The following NFIB variants were observed in gnomAD, a reference collection of about 807,000 sequenced individuals.
The protein encoded by NFIB is nuclear factor 1 B-type.
Under a neutral mutation model 61.5 loss-of-function variants are expected in NFIB, and 11 were observed. The observed-to-expected ratio is 0.18, with a 90% confidence interval of 0.11 to 0.30. The LOEUF is 0.30. NFIB is among the 10% of genes least tolerant of loss of function. NFIB has a pLI of 1.00. For missense variants in NFIB, 471 were observed against 608.9 expected (o/e 0.77, Z 2.38); for synonymous variants, 260 against 216.5 (o/e 1.20, Z -1.76).
intron 2 of NFIB, among the ~76,000 whole-genome samples, chr9:14,299,325 T>C (rs1314944236): frequency 6.6e-6 from 1 of 152,190 alleles, no homozygotes; most frequent in Non-Finnish European, 1.5e-5. Context: ...TGAGACTATA[T>C]ATGTGTCGCT....
the NFIB span, among the ~76,000 whole-genome samples, chr9:14,437,714 G>A: frequency 1.3e-5 from 2 of 152,208 alleles, no homozygotes; most frequent in African/African-American, 4.8e-5. Flanking sequence ...CCCCAGCTGA[G>A]TCCTATCTCC....
At chr9:14,144,097 C>T (rs1345398120) in intron 6 of NFIB, among the ~76,000 whole-genome samples, 4 of 151,124 alleles carry the variant, frequency 2.6e-5, no homozygotes, top group Non-Finnish European at 5.9e-5. Flanking sequence ...CCTTTACAGA[C>T]TCCTCCAATA....
rs1326991183 is a variant in NFIB at position 14,204,857 on chromosome 9, A to G, written c.563-25077T>C. 1.8e-5 allele frequency: 8 copies of G among 434,436 alleles called. No homozygotes were observed. In the East Asian group the frequency reaches 3.3e-4, roughly 18 times the overall value. The allele number at this position is 434,436 out of a possible 1,614,324, so 26.9% of individuals were successfully genotyped here. ...GAAGACCTGCACCACTGCTGCCTTC[A>G]TACAGGTTAACTCAGAAGACAAAGG... On this transcript the variant is annotated intron_variant, in intron 2 of 10. Transcript: ENST00000380953.
the NFIB span, among the ~76,000 whole-genome samples, chr9:14,406,656 T>C: frequency 6.6e-6 from 1 of 152,160 alleles, no homozygotes; most frequent in Admixed American, 6.6e-5. Context: ...CATAGCTAGG[T>C]GTGGTCACGT....
the NFIB span, among the ~76,000 whole-genome samples, chr9:14,510,968 G>A: frequency 1.3e-5 from 2 of 152,178 alleles, no homozygotes; most frequent in Non-Finnish European, 2.9e-5. Flanking sequence ...CTTTGATGAT[G>A]CTGCTTCAGT....
chr9:14,289,574 CATAT>C (rs2058956405), intron 2 of NFIB, among the ~76,000 whole-genome samples: 3 of 151,546 alleles, frequency 2.0e-5, no homozygotes, highest in Non-Finnish European at 4.4e-5. Context: ...CACACACACA[CATAT>C]AAATACACAT....
At chr9:14,363,248 A>G (rs1355844744) in intron 1 of NFIB, among the ~76,000 whole-genome samples, 1 of 152,158 alleles carries the variant, frequency 6.6e-6, no homozygotes, top group African/African-American at 2.4e-5. Flanking sequence ...TGGGACTGAG[A>G]CTACTCCGTT....
chr9:14,486,060 G>A, the NFIB span, among the ~76,000 whole-genome samples: 4 of 152,084 alleles, frequency 2.6e-5, no homozygotes, highest in South Asian at 8.3e-4. Context: ...ATGGACCTCG[G>A]GTGTCAATAA....
chr9:14,524,299 T>C, the NFIB span, among the ~76,000 whole-genome samples: 15 of 152,268 alleles, frequency 9.9e-5, no homozygotes, highest in Middle Eastern at 3.4e-3. Context: ...TTCATACCTA[T>C]AGCATAGAAA....
the NFIB span, among the ~76,000 whole-genome samples, chr9:14,440,918 GT>G: frequency 1.1e-3 from 172 of 152,228 alleles, no homozygotes; most frequent in Non-Finnish European, 1.3e-3. Flanking sequence ...ATGCAGAACA[GT>G]TTGAAAGGTG....
intron 2 of NFIB, among the ~76,000 whole-genome samples, chr9:14,293,233 T>C (rs2059213986): frequency 6.6e-6 from 1 of 152,210 alleles, no homozygotes; most frequent in Non-Finnish European, 1.5e-5. Context: ...ATTTGCATGA[T>C]CTAATATTGT....
At chr9:14,460,369 G>A in the NFIB span, among the ~76,000 whole-genome samples, 18 of 149,580 alleles carry the variant, frequency 1.2e-4, no homozygotes, top group East Asian at 1.0e-3. Flanking sequence ...GGCCTGTTGC[G>A]GGGTGGGGGG....
intron 2 of NFIB, among the ~76,000 whole-genome samples, chr9:14,214,197 G>C (rs1048288091): frequency 6.6e-6 from 1 of 152,114 alleles, no homozygotes; most frequent in Admixed American, 6.5e-5. Context: ...GCACATCCCT[G>C]AATGAGGCAC....
intron 2 of NFIB, among the ~76,000 whole-genome samples, chr9:14,184,983 A>C (rs894034853): frequency 1.3e-5 from 2 of 152,220 alleles, no homozygotes; most frequent in African/African-American, 4.8e-5. Context: ...AGATCGGCTC[A>C]TGTATTCCAA....
intron 2 of NFIB, among the ~76,000 whole-genome samples, chr9:14,187,524 G>A (rs4375095): frequency 0.39 from 58,725 of 152,012 alleles, 14,368 homozygotes; most frequent in Non-Finnish European, 0.55. Context: ...TCATGATAAA[G>A]TAATTTCATT....
At chr9:14,166,040 A>C (rs528528360) in intron 3 of NFIB, among the ~76,000 whole-genome samples, 1 of 152,298 alleles carries the variant, frequency 6.6e-6, no homozygotes, top group South Asian at 2.1e-4. Context: ...TGCAGTCTAA[A>C]ATTTTGGACC....
chr9:14,227,486 T>G (rs2052577673), intron 2 of NFIB, among the ~76,000 whole-genome samples: 1 of 152,344 alleles, frequency 6.6e-6, no homozygotes, highest in East Asian at 1.9e-4. Context: ...AGACTTGAAA[T>G]ATATCATACT....
At chr9:14,287,344 T>C (rs974193325) in intron 2 of NFIB, among the ~76,000 whole-genome samples, 8 of 64,460 alleles carry the variant, frequency 1.2e-4, no homozygotes, top group Non-Finnish European at 1.8e-4. Flanking sequence ...GGCAGGAGAA[T>C]GGTGTGAACC....
At chr9:14,202,815 T>C (rs2049198521) in intron 2 of NFIB, among the ~76,000 whole-genome samples, 2 of 152,210 alleles carry the variant, frequency 1.3e-5, no homozygotes, top group South Asian at 4.1e-4. Flanking sequence ...TGTCAATTAA[T>C]ACCAAATTTA....
Sources: allele counts gnomAD v4.1 joint callset (sites outside exome capture counted in the v4.1 genomes callset), GRCh38; gene constraint gnomAD v4.1.1; transcripts MANE v1.5; gene names NCBI Gene and HGNC (gene_info 2026-07-23, HGNC 2026-07-21).